The following C1orf21 variants were observed in gnomAD, a reference collection of about 807,000 sequenced individuals.
The protein encoded by C1orf21 is chromosome 1 open reading frame 21, also known as uncharacterized protein C1orf21.
Under a neutral mutation model 18.7 loss-of-function variants are expected in C1orf21, and 3 were observed. The ratio of observed to expected loss-of-function variants is 0.16; its 90% confidence interval spans 0.07 to 0.42. The LOEUF (loss-of-function observed/expected upper bound fraction) is 0.42, where lower values mean the gene tolerates loss of function less well. Ranked by LOEUF, C1orf21 falls within the 10% of genes least tolerant of loss-of-function variation. The pLI is 0.99. For synonymous variants in C1orf21, 41 were observed against 46.4 expected (o/e 0.88, Z 0.47); for missense variants, 104 against 143.6 (o/e 0.72, Z 1.41).
chr1:184,477,383 C>A lies in C1orf21; in HGVS notation c.-124-3C>A. The A allele has an allele frequency of 4.5e-6, 3 of 670,964 alleles. No individual in the cohort carries two copies. The highest frequency in any genetic ancestry group is 2.9e-5 in the Admixed American group (1 of 34,274). 41.6% of individuals were successfully genotyped at this position (670,964 alleles called of 1,614,324 possible). On this transcript the variant is annotated splice_region_variant and splice_polypyrimidine_tract_variant and intron_variant, in intron 1 of 5. Coordinates refer to ENST00000235307, the MANE Select transcript of C1orf21 (RefSeq NM_030806.4). ...ATTCTAATCTAGCTTTCTTTTCTTG[C>A]AGGTGCACACATCTTGACCAACTCA...
intron 3 of C1orf21, among the ~76,000 whole-genome samples, chr1:184,563,733 T>G (rs1486299936): frequency 6.6e-6 from 1 of 152,250 alleles, no homozygotes; most frequent in African/African-American, 2.4e-5. Flanking sequence ...TTGTCGCTGC[T>G]TTGGTTGGCT....
At chr1:184,411,805 G>A (rs527722982) in intron 1 of C1orf21, among the ~76,000 whole-genome samples, 1 of 152,320 alleles carries the variant, frequency 6.6e-6, no homozygotes, top group South Asian at 2.1e-4. Flanking sequence ...AGTCCACCAA[G>A]TTTGTCTCAG....
chr1:184,600,287 C>T (rs965736785), intron 5 of C1orf21, among the ~76,000 whole-genome samples: 4 of 152,208 alleles, frequency 2.6e-5, no homozygotes, highest in African/African-American at 9.6e-5. Flanking sequence ...CTGCCTCAGC[C>T]TCCTGAGTAG....
rs745333049 is a variant in C1orf21 at position 184,625,740 on chromosome 1, G to A, written c.*6184G>A. ...ATCACTCTTGAGAAAGTTTGAGTTC[G>A]ACTCACATGGGAGAATCGAGGTCTG... On this transcript the variant is annotated 3_prime_UTR_variant, in exon 6 of 6. Transcript: ENST00000235307. 4 of 152,324 alleles carry A rather than the reference G, an allele frequency of 2.6e-5. No individual in the cohort carries two copies. The highest frequency in any genetic ancestry group is 1.9e-4 in the East Asian group (1 of 5,192). The allele number at this position is 152,324 out of a possible 1,614,324, so 9.4% of individuals were successfully genotyped here.
At chr1:184,471,723 G>C (rs1156310296) in intron 1 of C1orf21, among the ~76,000 whole-genome samples, 3 of 152,160 alleles carry the variant, frequency 2.0e-5, no homozygotes, top group Non-Finnish European at 1.5e-5. Context: ...ACATTTCTGA[G>C]AGACAACTCT....
intron 3 of C1orf21, among the ~76,000 whole-genome samples, chr1:184,569,614 T>C (rs1202044409): frequency 6.6e-6 from 1 of 152,172 alleles, no homozygotes; most frequent in African/African-American, 2.4e-5. Context: ...CCAAGCTACT[T>C]GGGAGGCCAA....
rs546161989 is a variant in C1orf21 at position 184,423,625 on chromosome 1, T to C, written c.-125+36257T>C. ...CTTTAGTGAAACCTCCTACACAGAA[T>C]AGAAATCCATTCTGCAGCACCCCTT... is the stretch of plus-strand genomic sequence containing the variant. On this transcript the variant is annotated intron_variant, in intron 1 of 5. Coordinates refer to ENST00000235307, the MANE Select transcript of C1orf21 (RefSeq NM_030806.4). Among the ~76,000 whole-genome samples the C allele has an allele frequency of 4.6e-5, 7 of 152,298 alleles. No individual in the cohort carries two copies. In the East Asian group the frequency reaches 1.4e-3, roughly 29 times the overall value.
At position 184,593,402 on chromosome 1, in the gene C1orf21, A is replaced by G. The variant is rs892690834; in HGVS notation, c.266+2587A>G. ...CCAAGAGAAGAGTTTTACTTTTCCT[A>G]CTTGCTGACATATAGGATCAATTTA... On this transcript the variant is annotated intron_variant, in intron 4 of 5. Coordinates refer to ENST00000235307, the MANE Select transcript of C1orf21 (RefSeq NM_030806.4). 3.3e-5 allele frequency among the ~76,000 whole-genome samples: 5 copies of G among 152,178 alleles called. No individual in the cohort carries two copies. In the East Asian group the frequency reaches 9.6e-4, roughly 29 times the overall value.
At chr1:184,543,563 T>G (rs371950068) in intron 3 of C1orf21, among the ~76,000 whole-genome samples, 1 of 152,340 alleles carries the variant, frequency 6.6e-6, no homozygotes, top group Admixed American at 6.5e-5. Flanking sequence ...ATCTGGGAAC[T>G]TCTTTCTAGA....
chr1:184,569,586 A>G (rs1190428452), intron 3 of C1orf21, among the ~76,000 whole-genome samples: 6 of 152,212 alleles, frequency 3.9e-5, no homozygotes, highest in Non-Finnish European at 5.9e-5. Context: ...ACTGGGTGCA[A>G]TGGCAGGTGC....
intron 3 of C1orf21, among the ~76,000 whole-genome samples, chr1:184,527,584 T>G (rs1242848643): frequency 6.6e-6 from 1 of 152,108 alleles, no homozygotes; most frequent in Non-Finnish European, 1.5e-5. Context: ...GTCCCAGATT[T>G]GGAGTGATGG....
chr1:184,578,993 TA>T (rs67905484), intron 3 of C1orf21, among the ~76,000 whole-genome samples: 57,943 of 121,572 alleles, frequency 0.48, 13,767 homozygotes, highest in African/African-American at 0.61. Context: ...TTGTGAAGGT[TA>T]AAAAAAAAAA....
chr1:184,463,822 C>T lies in C1orf21; in HGVS notation c.-124-13564C>T, dbSNP rs1657345509. ...TGCAGACAATTATGACATGTAGCAA[C>T]ATGGATAGGTGAGGAATGGCTCACA... On this transcript the variant is annotated intron_variant, in intron 1 of 5. Coordinates refer to ENST00000235307, the MANE Select transcript of C1orf21 (RefSeq NM_030806.4). Among the ~76,000 whole-genome samples, 3 of 152,166 alleles carry T rather than the reference C, an allele frequency of 2.0e-5. No individual in the cohort carries two copies. The South Asian group carries it at 6.2e-4, about 32-fold the overall frequency.
At chr1:184,522,210 C>T (rs1411910683) in intron 3 of C1orf21, among the ~76,000 whole-genome samples, 1 of 151,972 alleles carries the variant, frequency 6.6e-6, no homozygotes, top group African/African-American at 2.4e-5. Context: ...GATATTTGTA[C>T]ATACATGTGT....
At chr1:184,403,239 C>T (rs913563682) in intron 1 of C1orf21, among the ~76,000 whole-genome samples, 3 of 152,184 alleles carry the variant, frequency 2.0e-5, no homozygotes, top group African/African-American at 7.2e-5. Context: ...AATTGTGGTA[C>T]ATTCATATGA....
rs1571351798 is a variant in C1orf21, at chr1:184,425,266, T to C, written c.-125+37898T>C. 4.8e-5 allele frequency among the ~76,000 whole-genome samples: 7 copies of C among 146,668 alleles called. 1 individual carries two copies. In the South Asian group the frequency reaches 1.1e-3, roughly 22 times the overall value. On this transcript the variant is annotated intron_variant, in intron 1 of 5. Transcript: ENST00000235307. ...CAGCAAATTGATGATAATCCTGATA[T>C]CTTTTTTTTTTTTTTCCTTGAGACA...
chr1:184,398,864 C>T (rs1304271192), intron 1 of C1orf21, among the ~76,000 whole-genome samples: 1 of 152,152 alleles, frequency 6.6e-6, no homozygotes, highest in Non-Finnish European at 1.5e-5. Flanking sequence ...AGTTTCATAT[C>T]CATTGACCAT....
chr1:184,462,883 A>T lies in C1orf21; in HGVS notation c.-124-14503A>T, dbSNP rs563666629. On this transcript the variant is annotated intron_variant, in intron 1 of 5. Coordinates refer to ENST00000235307, the MANE Select transcript of C1orf21 (RefSeq NM_030806.4). Reference sequence around the variant, plus strand: ...GATCACCTGAGGTCAGGAGTTCAAGACCAGCCTGGCCAACACAGTGAAACC... The same window carrying T: ...GATCACCTGAGGTCAGGAGTTCAAGTCCAGCCTGGCCAACACAGTGAAACC... Among the ~76,000 whole-genome samples, 5 of 152,090 alleles carry T rather than the reference A, an allele frequency of 3.3e-5. No individual in the cohort carries two copies. The East Asian group carries it at 9.7e-4, about 30-fold the overall frequency.
intron 5 of C1orf21, among the ~76,000 whole-genome samples, chr1:184,614,568 T>C (rs1382193058): frequency 3.9e-5 from 2 of 50,848 alleles, no homozygotes; most frequent in African/African-American, 7.8e-5. Context: ...TTTCCATGGA[T>C]GGGGAGTTGG....
Sources: allele counts gnomAD v4.1 joint callset (sites outside exome capture counted in the v4.1 genomes callset), GRCh38; gene constraint gnomAD v4.1.1; transcripts MANE v1.5; gene names NCBI Gene and HGNC (gene_info 2026-07-23, HGNC 2026-07-21).